LNPK: variants seen among roughly 807,000 people sequenced by gnomAD.
The protein encoded by LNPK is endoplasmic reticulum junction formation protein lunapark.
Under a neutral mutation model 55.2 loss-of-function variants are expected in LNPK, and 29 were observed. The ratio of observed to expected loss-of-function variants is 0.53; its 90% CI spans 0.39 to 0.72. LNPK has a LOEUF of 0.72. LNPK is among the 30% of genes least tolerant of loss of function. The pLI is 0.00. For missense variants in LNPK, 467 were observed against 494.8 expected, an observed-to-expected ratio of 0.94 and a Z score of 0.53; for synonymous variants, 162 against 168.2, an observed-to-expected ratio of 0.96 and a Z score of 0.29.
intron 6 of LNPK, among the ~76,000 whole-genome samples, chr2:175,965,905 T>C (rs146755127): frequency 6.6e-6 from 1 of 152,316 alleles, no homozygotes; most frequent in African/African-American, 2.4e-5. Flanking sequence ...CCCTGATCTC[T>C]ACACATTAGA....
At chr2:175,941,925 C>T (rs2166528) in intron 9 of LNPK, among the ~76,000 whole-genome samples, 20,551 of 146,424 alleles carry the variant, frequency 0.14, 1,656 homozygotes, top group Middle Eastern at 0.27. Context: ...AGACGCAAAC[C>T]AGAAAACGAT....
chr2:175,989,487 A>C (rs887522993), intron 4 of LNPK, among the ~76,000 whole-genome samples: 1 of 151,756 alleles, frequency 6.6e-6, no homozygotes, highest in African/African-American at 2.4e-5. Context: ...AAAGTCTACA[A>C]GACTTTTACT....
intron 9 of LNPK, among the ~76,000 whole-genome samples, chr2:175,943,054 G>A (rs1684935524): frequency 6.6e-6 from 1 of 151,458 alleles, no homozygotes; most frequent in Non-Finnish European, 1.5e-5. Context: ...AAATTCTATA[G>A]GTTAGATAAA....
chr2:175,953,358 C>A (rs1435766872), intron 8 of LNPK, among the ~76,000 whole-genome samples: 1 of 152,080 alleles, frequency 6.6e-6, no homozygotes, highest in African/African-American at 2.4e-5. Context: ...TAACCTCAAC[C>A]TTTCTCCTGA....
chr2:175,999,769 T>C (rs1688093880), intron 1 of LNPK, among the ~76,000 whole-genome samples: 1 of 152,178 alleles, frequency 6.6e-6, no homozygotes, highest in Admixed American at 6.5e-5. Context: ...AAGTGTGTTT[T>C]TCTTTTTGTT....
At chr2:175,934,163 T>C (rs1407924297) in intron 12 of LNPK, among the ~76,000 whole-genome samples, 3 of 152,218 alleles carry the variant, frequency 2.0e-5, no homozygotes, top group Admixed American at 6.5e-5. Context: ...TTGAGAAGGC[T>C]GCACATAAGT....
intron 6 of LNPK, among the ~76,000 whole-genome samples, chr2:175,968,784 C>A (rs1686502517): frequency 6.6e-6 from 1 of 151,894 alleles, no homozygotes; most frequent in African/African-American, 2.4e-5. Context: ...GGATGCATCC[C>A]CAAGGAAACC....
chr2:175,924,699 A>C lies in LNPK; in HGVS notation c.*5268T>G, dbSNP rs74954281. On this transcript the variant is annotated 3_prime_UTR_variant, in exon 13 of 13. Transcript: ENST00000272748. ...CTGAAAAAAAAACAAAACAAACAAA[A>C]AAAAAAAACAAAGAAGAAGTTTATT... 0.095 allele frequency: 12,599 copies of C among 132,080 alleles called. 670 individuals are homozygous for C. Among genetic ancestry groups the C allele is most frequent in the Non-Finnish European group, 0.13 (7,606 of 60,344 alleles). 8.2% of individuals were successfully genotyped at this position (132,080 alleles called of 1,614,324 possible).
Position 175,945,502 on chromosome 2 carries a change from T to C in LNPK, c.706+1978A>G, listed in dbSNP as rs1444453347. Among the ~76,000 whole-genome samples the C allele has an allele frequency of 2.5e-5, 3 of 120,088 alleles. No individual in the cohort carries two copies. In the East Asian group the frequency reaches 7.0e-4, roughly 28 times the overall value. 78.8% of individuals were successfully genotyped at this position (120,088 alleles called of 152,430 possible). On this transcript the variant is annotated intron_variant, in intron 9 of 12. Transcript: ENST00000272748. ...GCCTGGGCAACAGAACAAGACTGTG[T>C]CTCAAAAGAAAAAAAAAAAAAAAAA...
chr2:175,929,890 G>GT lies in LNPK; in HGVS notation c.*76dup, dbSNP rs1684179818. 7.6e-6 allele frequency: 12 copies of GT among 1,577,294 alleles called. No individual in the cohort carries two copies. Among genetic ancestry groups the GT allele is most frequent in the Admixed American group, 1.8e-5 (1 of 55,772 alleles). The stretch of plus-strand genomic sequence containing the variant: ...GCATACCCTTAGAGGGGCAAAAAAA[G>GT]TAAGTGCCACCGAAAAAGCAATAAC... On this transcript the variant is annotated 3_prime_UTR_variant, in exon 13 of 13. Transcript: ENST00000272748.
At chr2:175,995,708 T>C (rs1559078089) in intron 1 of LNPK, 62 bp from the exon 2 acceptor site, 1 of 638,270 alleles carries the variant, frequency 1.6e-6, no homozygotes, top group South Asian at 2.1e-5. Flanking sequence ...ACTATAGATG[T>C]TGCAATACTG....
rs1186979530 is a variant in LNPK at position 175,941,661 on chromosome 2, C to T, written c.707-2004G>A. Among the ~76,000 whole-genome samples, 6 of 151,158 alleles carry T rather than the reference C, an allele frequency of 4.0e-5. No homozygotes were observed. In the South Asian group the frequency reaches 8.4e-4, roughly 21 times the overall value. ...CAAAAATTGGCTGGGCGTGGTGGCA[C>T]GCGCCTGTAGTCCCAGCTACTTGAG... On this transcript the variant is annotated intron_variant, in intron 9 of 12. Coordinates refer to ENST00000272748, the MANE Select transcript of LNPK (RefSeq NM_030650.3).
intron 4 of LNPK, among the ~76,000 whole-genome samples, chr2:175,982,230 A>G (rs1335444093): frequency 6.6e-6 from 1 of 152,228 alleles, no homozygotes; most frequent in African/African-American, 2.4e-5. Flanking sequence ...ATACAGAGAA[A>G]GAAAACGGGG....
chr2:175,940,725 C>A (rs772605484), intron 9 of LNPK, among the ~76,000 whole-genome samples: 1 of 151,970 alleles, frequency 6.6e-6, no homozygotes, highest in Non-Finnish European at 1.5e-5. Context: ...AATTAGTACA[C>A]AATATTAAAA....
At chr2:175,974,489 A>G (rs1574873289) in intron 5 of LNPK, among the ~76,000 whole-genome samples, 1 of 152,228 alleles carries the variant, frequency 6.6e-6, no homozygotes, top group Non-Finnish European at 1.5e-5. Context: ...TTGTAGGATG[A>G]ACGCAGCTAA....
At chr2:175,979,728 C>T (rs1337068351) in intron 5 of LNPK, 82 bp downstream of exon 5, 20 of 1,179,672 alleles carry the variant, frequency 1.7e-5, no homozygotes, top group Non-Finnish European at 2.3e-5. Flanking sequence ...ATTCCAATAT[C>T]ATATTTTACA....
chr2:175,993,972 ATCT>A (rs1049836024), intron 2 of LNPK, among the ~76,000 whole-genome samples: 1 of 152,198 alleles, frequency 6.6e-6, no homozygotes, highest in African/African-American at 2.4e-5. Flanking sequence ...TCAACAGGTT[ATCT>A]TCTTTCTAAA....
At chr2:175,964,881 A>G (rs1340375066) in intron 6 of LNPK, among the ~76,000 whole-genome samples, 1 of 152,180 alleles carries the variant, frequency 6.6e-6, no homozygotes, top group East Asian at 1.9e-4. Flanking sequence ...AAAATCTATC[A>G]GCCATCATTA....
intron 8 of LNPK, among the ~76,000 whole-genome samples, chr2:175,963,202 T>C (rs1407305095): frequency 1.3e-5 from 2 of 151,622 alleles, no homozygotes. Context: ...ATCCCATTAC[T>C]GGGTATATAC....
Sources: allele counts gnomAD v4.1 joint callset (sites outside exome capture counted in the v4.1 genomes callset), GRCh38; gene constraint gnomAD v4.1.1; transcripts MANE v1.5; gene names NCBI Gene and HGNC (gene_info 2026-07-23, HGNC 2026-07-21).